Variants in DCAF4 observed in about 807,000 individuals in gnomAD.
DCAF4 encodes DDB1 and CUL4 associated factor 4.
Under a neutral mutation model 60.9 loss-of-function variants are expected in DCAF4, and 37 were observed. The observed-to-expected ratio is 0.61, with a 90% CI of 0.47 to 0.80. The LOEUF is 0.80. DCAF4 is among the 30% of genes least tolerant of loss of function. The pLI, the probability that DCAF4 is intolerant of heterozygous loss-of-function variation, is 0.00. For missense variants in DCAF4, 577 were observed against 650.0 expected, an observed-to-expected ratio of 0.89 and a Z score of 1.22; for synonymous variants, 243 against 254.8, an observed-to-expected ratio of 0.95 and a Z score of 0.44.
In DCAF4 at chr14:72,958,630, C is replaced by A. The variant is rs768743315; in HGVS notation, c.1313C>A (p.Thr438Lys). ...TTCCTAGTGGGCCAGGACTGCTACACGAGAATCTGGAGCCTCCACGATGCC... is the reference window on the plus strand; with the variant it reads ...TTCCTAGTGGGCCAGGACTGCTACAAGAGAATCTGGAGCCTCCACGATGCC... ...ILVAVGQDCY[T>K]RIWSLHDARL... Residue 438 changes from threonine to lysine, a missense_variant, in exon 14 of 14, where the codon ACG becomes AAG. By Grantham distance (78) the Thr-to-Lys change is moderately conservative (BLOSUM62 -1). Coordinates refer to ENST00000358377, the MANE Select transcript of DCAF4 (RefSeq NM_015604.4). The A allele has an allele frequency of 1.2e-6, 2 of 1,614,088 alleles. No individual in the cohort carries two copies. The highest frequency in any genetic ancestry group is 2.2e-5 in the South Asian group (2 of 91,082).
intron 11 of DCAF4, among the ~76,000 whole-genome samples, chr14:72,955,034 C>G (rs1892076847): frequency 6.6e-6 from 1 of 151,782 alleles, no homozygotes; most frequent in Admixed American, 6.6e-5. Flanking sequence ...TTGCCTGAAC[C>G]CGGGAGGCGG....
chr14:72,940,609 G>A, intron 4 of DCAF4: 2 of 242,250 alleles, frequency 8.3e-6, no homozygotes, highest in South Asian at 7.6e-5. Context: ...TTTTTTTTTT[G>A]AGGCGGAATC....
At position 72,954,471 on chromosome 14, in the gene DCAF4, G is replaced by T; in HGVS notation, c.993G>T (p.Gln331His). 6.2e-7 allele frequency: 1 copy of T among 1,614,198 alleles called. No individual in the cohort carries two copies. Among genetic ancestry groups the T allele is most frequent in the Non-Finnish European group, 8.5e-7 (1 of 1,180,028 alleles). The part of the protein sequence containing the change: ...FGTNSDVLAQ[Q>H]FALMAPLLFN... Reference sequence around the variant, plus strand: ...CCAACAGTGATGTCTTGGCCCAGCAGTTTGCTCTCATGGTTGGTTGGATTG... The same window carrying T: ...CCAACAGTGATGTCTTGGCCCAGCATTTTGCTCTCATGGTTGGTTGGATTG... The change falls in exon 11 of 14, where the codon CAG becomes CAT. Residue 331 changes from glutamine to histidine, a missense_variant. Coordinates refer to ENST00000358377, the MANE Select transcript of DCAF4 (RefSeq NM_015604.4).
chr14:72,941,911 AG>A, intron 5 of DCAF4, 87 bp downstream of exon 5: 1 of 1,421,886 alleles, frequency 7.0e-7, no homozygotes, highest in South Asian at 1.2e-5. Flanking sequence ...CAGTCTGGAT[AG>A]ACCATGTGGC....
Position 72,959,040 on chromosome 14 carries a change from C to A in DCAF4, c.*235C>A, listed in dbSNP as rs1892654283. 8.2e-7 allele frequency: 1 copy of A among 1,218,628 alleles called. No individual in the cohort carries two copies. Among genetic ancestry groups the A allele is most frequent in the Non-Finnish European group, 1.0e-6 (1 of 978,502 alleles). 75.5% of individuals were successfully genotyped at this position (1,218,628 alleles called of 1,614,324 possible). On this transcript the variant is annotated 3_prime_UTR_variant, in exon 14 of 14. Transcript: ENST00000358377. ...CCTTTTCATAAAAGGTACCTCTTTCCTTTTCTTATTGAATTCTTAGAACTT... is the reference window on the plus strand; with the variant it reads ...CCTTTTCATAAAAGGTACCTCTTTCATTTTCTTATTGAATTCTTAGAACTT...
At chr14:72,929,037 G>A (rs1297787198) in intron 1 of DCAF4, among the ~76,000 whole-genome samples, 1 of 152,208 alleles carries the variant, frequency 6.6e-6, no homozygotes, top group Non-Finnish European at 1.5e-5. Flanking sequence ...TGGCTCCGGG[G>A]CTGGTCGGTG....
At chr14:72,952,645 T>C (rs976540620) in intron 9 of DCAF4, among the ~76,000 whole-genome samples, 8 of 151,536 alleles carry the variant, frequency 5.3e-5, no homozygotes, top group Admixed American at 3.3e-4. Flanking sequence ...GAAAGGGATG[T>C]GAGGGAGGCC....
downstream of DCAF4, chr14:72,962,089 G>C: frequency 3.4e-6 from 3 of 881,652 alleles, no homozygotes; most frequent in Non-Finnish European, 4.2e-6. Context: ...AAAAAAATTT[G>C]TGTCTCCAAG....
chr14:72,944,898 G>A (rs1890523813), intron 6 of DCAF4, among the ~76,000 whole-genome samples: 1 of 151,910 alleles, frequency 6.6e-6, no homozygotes, highest in African/African-American at 2.4e-5. Context: ...AGACCAGCCT[G>A]ACCAACATTG....
chr14:72,947,307 C>T, intron 8 of DCAF4, 116 bp downstream of exon 8: 1 of 1,176,352 alleles, frequency 8.5e-7, no homozygotes, highest in Non-Finnish European at 1.3e-6. Flanking sequence ...GACCCTTGTG[C>T]ACTTACATCT....
intron 1 of DCAF4, chr14:72,926,916 C>G (rs1165910527): frequency 1.3e-5 from 2 of 152,540 alleles, no homozygotes; most frequent in African/African-American, 4.8e-5. Flanking sequence ...GCGGTGTCCC[C>G]TGTGAATGTT....
chr14:72,959,489 C>G lies in DCAF4; in HGVS notation c.*684C>G, dbSNP rs1175496425. ...TTCCAGAATGTAAGGTTCAGCAGCT[C>G]TGGTTTCTATTACGGTGACTTGAAT... On this transcript the variant is annotated 3_prime_UTR_variant, in exon 14 of 14. Coordinates refer to ENST00000358377, the MANE Select transcript of DCAF4 (RefSeq NM_015604.4). 2.0e-6 allele frequency: 2 copies of G among 985,526 alleles called. No homozygotes were observed. Among genetic ancestry groups the G allele is most frequent in the African/African-American group, 3.5e-5 (2 of 57,242 alleles). The allele number at this position is 985,526 out of a possible 1,614,324, so 61.0% of individuals were successfully genotyped here. A position where few individuals can be genotyped will look rare whatever the true frequency, so the allele number is the denominator to read the frequency against.
At position 72,940,588 on chromosome 14, in the gene DCAF4, G is replaced by GTTTTTTTTTTTTTTTTTTTTTT. The variant is rs750585266; in HGVS notation, c.351+213_351+214insTTTTTTTTTTTTTTTTTTTTTT. The stretch of plus-strand genomic sequence containing the variant: ...CCATCCCCGTTTTCTTGTTCGATAA[G>GTTTTTTTTTTTTTTTTTTTTTT]TTGTTTTTTTTTTTTTTTTTGAGGC... On this transcript the variant is annotated intron_variant, in intron 4 of 13. Coordinates refer to ENST00000358377, the MANE Select transcript of DCAF4 (RefSeq NM_015604.4). 4 of 266,916 alleles carry GTTTTTTTTTTTTTTTTTTTTTT rather than the reference G, an allele frequency of 1.5e-5. 1 individual carries two copies. Among genetic ancestry groups the GTTTTTTTTTTTTTTTTTTTTTT allele is most frequent in the African/African-American group, 7.7e-5 (3 of 38,996 alleles). The allele number at this position is 266,916 out of a possible 1,614,324, so 16.5% of individuals were successfully genotyped here. A position where few individuals can be genotyped will look rare whatever the true frequency, so the allele number is the denominator to read the frequency against.
rs975905867 is a variant in DCAF4 at position 72,953,784 on chromosome 14, G to T, written c.809-380G>T. Among the ~76,000 whole-genome samples, 6 of 4,486 alleles carry T rather than the reference G, an allele frequency of 1.3e-3. 2 individuals carry two copies. Among genetic ancestry groups the T allele is most frequent in the African/African-American group, 2.3e-3 (5 of 2,194 alleles). The allele number at this position is 4,486 out of a possible 152,430, so 2.9% of individuals were successfully genotyped here. ...ATATAGTTTATTTATTTATTTATTT[G>T]TGTGTGTGTGTGTGTGTGTGTGTGT... On this transcript the variant is annotated intron_variant, in intron 9 of 13. Coordinates refer to ENST00000358377, the MANE Select transcript of DCAF4 (RefSeq NM_015604.4).
At chr14:72,931,288 G>A (rs1484584017) in intron 1 of DCAF4, among the ~76,000 whole-genome samples, 2 of 86,050 alleles carry the variant, frequency 2.3e-5, no homozygotes, top group Admixed American at 3.1e-4. Flanking sequence ...TTTTGTAACT[G>A]AGCCTGAGCA....
intron 8 of DCAF4, among the ~76,000 whole-genome samples, chr14:72,951,559 C>T (rs539093701): frequency 2.0e-5 from 3 of 152,018 alleles, no homozygotes; most frequent in South Asian, 4.2e-4. Flanking sequence ...TGCGGTAAGC[C>T]GAGATCGCGC....
Position 72,929,754 on chromosome 14 carries a change from T to C in DCAF4, c.-9+3211T>C. On this transcript the variant is annotated intron_variant, in intron 1 of 13. Transcript: ENST00000358377. ...TTTCTCCTTGAAGACCTTCAGTGAC[T>C]CCATGGCGCGCAGCTCGTACGAAGC... is the stretch of plus-strand genomic sequence containing the variant. The C allele has an allele frequency of 2.9e-6, 3 of 1,039,834 alleles. No individual in the cohort carries two copies. The South Asian group carries it at 3.8e-5, about 13-fold the overall frequency. 64.4% of individuals were successfully genotyped at this position (1,039,834 alleles called of 1,614,324 possible).
chr14:72,937,837 T>C (rs1889494179), intron 1 of DCAF4, 134 bp from the exon 2 acceptor site: 1 of 1,348,298 alleles, frequency 7.4e-7, no homozygotes, highest in Admixed American at 3.3e-5. Context: ...AGGCTTGCTG[T>C]GGCAAATCTG....
chr14:72,958,679 C>T lies in DCAF4; in HGVS notation c.1362C>T (p.Ser454=). The T allele has an allele frequency of 6.2e-7, 1 of 1,614,236 alleles. No homozygotes were observed. The highest frequency in any genetic ancestry group is 8.5e-7 in the Non-Finnish European group (1 of 1,180,046). Residue 454 remains serine, a synonymous_variant, in exon 14 of 14, where the codon TCC becomes TCT. Transcript: ENST00000358377. ...CCCGCCTACTGAGAACCATACCCTCCCCGTACCCTGCCTCCAAGGCCGACA... is the reference window on the plus strand; with the variant it reads ...CCCGCCTACTGAGAACCATACCCTCTCCGTACCCTGCCTCCAAGGCCGACA... The part of the protein sequence containing the change: ...HDARLLRTIP[S]PYPASKADIP...
Sources: gnomAD v4.1 joint callset for allele counts (sites outside exome capture counted in the v4.1 genomes callset) on GRCh38, gnomAD v4.1.1 for gene constraint, MANE v1.5 for transcripts, NCBI Gene and HGNC (gene_info 2026-07-23, HGNC 2026-07-21) for gene names.